The following ACAP2 variants were observed in gnomAD, a reference collection of about 807,000 sequenced individuals.
The protein encoded by ACAP2 is ArfGAP with coiled-coil, ankyrin repeat and PH domains 2.
In ACAP2, 39 loss-of-function variants were observed where a neutral mutation model predicts 115.8. That is an observed-to-expected ratio of 0.34 (90% CI 0.26 to 0.44). The LOEUF (loss-of-function observed/expected upper bound fraction) is 0.44. ACAP2 is among the 20% of genes least tolerant of loss of function. The pLI is 1.00. For synonymous variants in ACAP2, 289 were observed against 315.8 expected, an observed-to-expected ratio of 0.92 and a Z score of 0.90; for missense variants, 662 against 927.6, an observed-to-expected ratio of 0.71 and a Z score of 3.72.
intron 4 of ACAP2, among the ~76,000 whole-genome samples, chr3:195,368,196 C>T (rs565174890): frequency 1.2e-3 from 187 of 152,340 alleles, no homozygotes; most frequent in African/African-American, 4.1e-3. Context: ...GTCACCCAGA[C>T]TGGAGCGCAG....
intron 3 of ACAP2, 103 bp downstream of exon 3, chr3:195,381,794 CTAATTT>C (rs1733955633): frequency 7.6e-7 from 1 of 1,321,502 alleles, no homozygotes; most frequent in Non-Finnish European, 1.0e-6. Flanking sequence ...TTTTCTACTT[CTAATTT>C]TAAGTATCAC....
At chr3:195,360,340 T>G (rs1732268511) in intron 4 of ACAP2, among the ~76,000 whole-genome samples, 1 of 152,198 alleles carries the variant, frequency 6.6e-6, no homozygotes, top group Non-Finnish European at 1.5e-5. Flanking sequence ...TATAATTATA[T>G]ATGTACCAAA....
Position 195,428,856 on chromosome 3 carries a change from C to T in ACAP2, c.53+13939G>A, listed in dbSNP as rs150733956. On this transcript the variant is annotated intron_variant, in intron 1 of 22. Transcript: ENST00000326793. Reference sequence around the variant, plus strand: ...TTGGCAGATTTATAAACAGTACAATCGCTTTGGAATAATGCTTTGCAGTTT... The same window carrying T: ...TTGGCAGATTTATAAACAGTACAATTGCTTTGGAATAATGCTTTGCAGTTT... 1.2e-4 allele frequency among the ~76,000 whole-genome samples: 19 copies of T among 152,240 alleles called. No homozygotes were observed. The East Asian group carries it at 2.5e-3, about 20-fold the overall frequency.
intron 4 of ACAP2, among the ~76,000 whole-genome samples, chr3:195,371,947 G>C (rs895213389): frequency 1.3e-5 from 2 of 152,088 alleles, no homozygotes; most frequent in African/African-American, 4.8e-5. Context: ...GCATGAGCCG[G>C]TACGCCCAGC....
At chr3:195,382,641 A>T (rs945324007) in intron 2 of ACAP2, among the ~76,000 whole-genome samples, 1 of 152,138 alleles carries the variant, frequency 6.6e-6, no homozygotes, top group Non-Finnish European at 1.5e-5. Flanking sequence ...GACAAAGGAG[A>T]GAAAAGTACT....
intron 17 of ACAP2, 47 bp downstream of exon 17, chr3:195,295,661 T>G: frequency 1.3e-6 from 2 of 1,598,474 alleles, no homozygotes; most frequent in Non-Finnish European, 1.7e-6. Context: ...AAAAGTGATT[T>G]GAGCTTAAGA....
chr3:195,393,064 T>C (rs1255420479), intron 1 of ACAP2, among the ~76,000 whole-genome samples: 10 of 152,152 alleles, frequency 6.6e-5, no homozygotes, highest in Non-Finnish European at 1.5e-4. Flanking sequence ...AGAACAAGCA[T>C]GGTGGCTCAC....
rs572579473 is a variant in ACAP2, at chr3:195,315,440, C to T, written c.857+5261G>A. ...ATAATTTTTCCTAATAACGTAAGTGCTTCAGGAAGTTCTTTTAAAATGAAG... is the reference window on the plus strand; with the variant it reads ...ATAATTTTTCCTAATAACGTAAGTGTTTCAGGAAGTTCTTTTAAAATGAAG... On this transcript the variant is annotated intron_variant, in intron 10 of 22. Coordinates refer to ENST00000326793, the MANE Select transcript of ACAP2 (RefSeq NM_012287.6). 7.2e-5 allele frequency among the ~76,000 whole-genome samples: 11 copies of T among 152,306 alleles called. No homozygotes were observed. The East Asian group carries it at 1.9e-3, about 27-fold the overall frequency.
chr3:195,305,191 G>T (rs1728341667), intron 13 of ACAP2, among the ~76,000 whole-genome samples: 1 of 152,158 alleles, frequency 6.6e-6, no homozygotes, highest in Admixed American at 6.5e-5. Context: ...ATATTCAATA[G>T]AAGACTTGGA....
intron 4 of ACAP2, chr3:195,349,751 TC>T: frequency 3.8e-6 from 1 of 261,746 alleles, no homozygotes; most frequent in Non-Finnish European, 7.4e-6. Flanking sequence ...CAGAAGCACA[TC>T]CATGGAGTGG....
At chr3:195,319,469 G>A (rs1276586100) in intron 10 of ACAP2, among the ~76,000 whole-genome samples, 1 of 152,228 alleles carries the variant, frequency 6.6e-6, no homozygotes, top group Non-Finnish European at 1.5e-5. Flanking sequence ...GCTACACTCT[G>A]CAGAGCCACA....
chr3:195,282,918 G>A (rs897106935), intron 22 of ACAP2, among the ~76,000 whole-genome samples: 2 of 152,176 alleles, frequency 1.3e-5, no homozygotes, highest in African/African-American at 4.8e-5. Flanking sequence ...TCAAGAGTTT[G>A]CTAATTTTGC....
At chr3:195,287,609 G>A (rs1726929792) in intron 21 of ACAP2, among the ~76,000 whole-genome samples, 1 of 152,030 alleles carries the variant, frequency 6.6e-6, no homozygotes, top group African/African-American at 2.4e-5. Flanking sequence ...GGAGCACCTA[G>A]CTTTATGTGA....
intron 1 of ACAP2, among the ~76,000 whole-genome samples, chr3:195,404,770 T>C (rs1421703598): frequency 1.4e-5 from 2 of 147,448 alleles, no homozygotes; most frequent in African/African-American, 4.9e-5. Flanking sequence ...ATAATATAAA[T>C]ATAATTATAT....
intron 1 of ACAP2, among the ~76,000 whole-genome samples, chr3:195,435,889 C>T (rs1715500418): frequency 6.6e-6 from 1 of 152,074 alleles, no homozygotes; most frequent in South Asian, 2.1e-4. Flanking sequence ...CTGTTCACAT[C>T]TTCTATTTCC....
intron 9 of ACAP2, among the ~76,000 whole-genome samples, chr3:195,321,313 C>T (rs1287675858): frequency 1.3e-5 from 2 of 150,096 alleles, no homozygotes; most frequent in Admixed American, 1.3e-4. Flanking sequence ...ACCTCTGCCT[C>T]CCGGGTTCAA....
chr3:195,427,964 T>TAC (rs921343390), intron 1 of ACAP2, among the ~76,000 whole-genome samples: 2 of 147,032 alleles, frequency 1.4e-5, no homozygotes, highest in South Asian at 2.3e-4. Flanking sequence ...TATGTATACA[T>TAC]ACACACACAC....
At chr3:195,423,904 C>A (rs1714397712) in intron 1 of ACAP2, among the ~76,000 whole-genome samples, 1 of 151,272 alleles carries the variant, frequency 6.6e-6, no homozygotes, top group South Asian at 2.1e-4. Context: ...CAAAAAAAAA[C>A]AATGGAGCCT....
chr3:195,297,283 T>C lies in ACAP2; in HGVS notation c.1396-2A>G, dbSNP rs1727715627. 1 of 1,603,986 alleles carries C rather than the reference T, an allele frequency of 6.2e-7. No homozygotes were observed. On this transcript the variant is annotated splice_acceptor_variant, in intron 15 of 22. Transcript: ENST00000326793. LOFTEE classifies it high-confidence loss of function. ...ATCATTCCCCAACTCACACATAAGC[T>C]GTTTGGCAAAAAAAAATAGAAAAAT... is the stretch of plus-strand genomic sequence containing the variant.
Sources: allele counts gnomAD v4.1 joint callset (sites outside exome capture counted in the v4.1 genomes callset), GRCh38; gene constraint gnomAD v4.1.1; transcripts MANE v1.5; gene names NCBI Gene and HGNC (gene_info 2026-07-23, HGNC 2026-07-21).